The following CRPPA variants were observed in gnomAD, a reference collection of about 807,000 sequenced individuals.
CRPPA encodes D-ribitol-5-phosphate cytidylyltransferase.
CRPPA carries 43 observed loss-of-function variants against 52.0 expected under a neutral mutation model. That is an observed-to-expected ratio of 0.83 (90% CI 0.65 to 1.07). The LOEUF is 1.07. Among genes scored for constraint, CRPPA ranks in the 50% least tolerant of loss-of-function variants. CRPPA has a pLI of 0.00. For synonymous variants in CRPPA, 250 were observed against 203.5 expected, an observed-to-expected ratio of 1.23 and a Z score of -1.94; for missense variants, 629 against 551.7, an observed-to-expected ratio of 1.14 and a Z score of -1.40.
At chr7:16,146,851 C>T (rs905911000) in intron 9 of CRPPA, among the ~76,000 whole-genome samples, 1 of 152,030 alleles carries the variant, frequency 6.6e-6, no homozygotes, top group Admixed American at 6.6e-5. Flanking sequence ...GAGAGAGGAA[C>T]AAAGGAATTA....
intron 1 of CRPPA, among the ~76,000 whole-genome samples, chr7:16,418,126 A>G (rs1038188037): frequency 1.3e-5 from 2 of 152,240 alleles, no homozygotes; most frequent in African/African-American, 4.8e-5. Context: ...GATCTTTTAC[A>G]GAAGGAAGTA....
At chr7:16,280,613 A>G (rs967853668) in intron 5 of CRPPA, among the ~76,000 whole-genome samples, 2 of 152,214 alleles carry the variant, frequency 1.3e-5, no homozygotes, top group African/African-American at 4.8e-5. Context: ...GCCTTGTTTC[A>G]TCATATATCC....
chr7:16,169,872 T>C (rs1262624040), intron 9 of CRPPA, among the ~76,000 whole-genome samples: 2 of 152,202 alleles, frequency 1.3e-5, no homozygotes, highest in African/African-American at 2.4e-5. Flanking sequence ...GCACTCACTG[T>C]ATTGAAGGAA....
rs77334930 is a variant in CRPPA at position 16,295,453 on chromosome 7, C to A, written c.835+5968G>T. On this transcript the variant is annotated intron_variant, in intron 5 of 9. Coordinates refer to ENST00000407010, the MANE Select transcript of CRPPA (RefSeq NM_001101426.4). ...TAATACACACAACCATATATGAAAACAGGCACCATGAGGCAGTTTTGTAGC... is the reference window on the plus strand; with the variant it reads ...TAATACACACAACCATATATGAAAAAAGGCACCATGAGGCAGTTTTGTAGC... Among the ~76,000 whole-genome samples, 1,423 of 152,046 alleles carry A rather than the reference C, an allele frequency of 9.4e-3. 25 individuals carry two copies. The highest frequency in any genetic ancestry group is 0.033 in the African/African-American group (1,373 of 41,492).
intron 5 of CRPPA, among the ~76,000 whole-genome samples, chr7:16,281,894 C>G (rs1784328955): frequency 6.6e-6 from 1 of 152,130 alleles, no homozygotes; most frequent in African/African-American, 2.4e-5. Flanking sequence ...ATCTTAATAT[C>G]TGTACAATTG....
intron 6 of CRPPA, chr7:16,268,742 G>A (rs568156700): frequency 6.6e-6 from 1 of 152,112 alleles, no homozygotes; most frequent in South Asian, 2.1e-4. Flanking sequence ...GAATCTTACG[G>A]TAGAGTCTAC....
chr7:16,232,664 C>T (rs1363945255), intron 8 of CRPPA, among the ~76,000 whole-genome samples: 2 of 152,084 alleles, frequency 1.3e-5, no homozygotes, highest in East Asian at 3.9e-4. Flanking sequence ...AAATAATTAT[C>T]TCTACACTAA....
intron 5 of CRPPA, among the ~76,000 whole-genome samples, chr7:16,299,856 C>T (rs1053623537): frequency 2.0e-5 from 3 of 152,104 alleles, no homozygotes; most frequent in African/African-American, 4.8e-5. Context: ...TTTAAGAAGC[C>T]TCTGATAATA....
intron 3 of CRPPA, among the ~76,000 whole-genome samples, chr7:16,343,867 C>T (rs764039520): frequency 1.3e-5 from 2 of 152,162 alleles, no homozygotes; most frequent in African/African-American, 4.8e-5. Flanking sequence ...GAAGAGTTAT[C>T]AATAGCACCT....
At chr7:16,263,623 GAC>G (rs931715348) in intron 6 of CRPPA, among the ~76,000 whole-genome samples, 2 of 152,142 alleles carry the variant, frequency 1.3e-5, no homozygotes, top group African/African-American at 4.8e-5. Flanking sequence ...CATGGTGGTG[GAC>G]ACCTGTAATC....
chr7:16,387,801 A>T (rs542193636), intron 2 of CRPPA, among the ~76,000 whole-genome samples: 70 of 152,206 alleles, frequency 4.6e-4, no homozygotes, highest in Non-Finnish European at 9.0e-4. Flanking sequence ...AAACTAACAG[A>T]CATCTATTAA....
intron 9 of CRPPA, among the ~76,000 whole-genome samples, chr7:16,208,252 A>T (rs1162513758): frequency 6.6e-6 from 1 of 152,180 alleles, no homozygotes; most frequent in East Asian, 1.9e-4. Context: ...AGTCTCACAA[A>T]AACAAGGGAT....
At chr7:16,292,104 A>T (rs1784576271) in intron 5 of CRPPA, among the ~76,000 whole-genome samples, 1 of 151,952 alleles carries the variant, frequency 6.6e-6, no homozygotes, top group Non-Finnish European at 1.5e-5. Context: ...CCAAAATCAA[A>T]GTCATACATG....
At chr7:16,360,947 G>C (rs1047976739) in intron 3 of CRPPA, among the ~76,000 whole-genome samples, 2 of 152,070 alleles carry the variant, frequency 1.3e-5, no homozygotes, top group Non-Finnish European at 2.9e-5. Context: ...TGGAATAGAA[G>C]AGAATATGTA....
At chr7:16,102,441 GC>G (rs1362387073) in intron 9 of CRPPA, among the ~76,000 whole-genome samples, 5 of 152,180 alleles carry the variant, frequency 3.3e-5, no homozygotes, top group African/African-American at 1.2e-4. Flanking sequence ...GGCAACCAGA[GC>G]CAAAATTGAC....
At chr7:16,337,225 A>T (rs181252948) in intron 3 of CRPPA, among the ~76,000 whole-genome samples, 132 of 152,310 alleles carry the variant, frequency 8.7e-4, no homozygotes, top group African/African-American at 2.8e-3. Flanking sequence ...GTTACACCAC[A>T]AATCTTAAGT....
At chr7:16,261,364 G>A (rs1278948389) in intron 6 of CRPPA, among the ~76,000 whole-genome samples, 2 of 152,054 alleles carry the variant, frequency 1.3e-5, no homozygotes, top group Admixed American at 1.3e-4. Flanking sequence ...TTCTGTGAGA[G>A]AAGGAGATAG....
At chr7:16,381,936 T>A (rs886375854) in intron 2 of CRPPA, among the ~76,000 whole-genome samples, 1 of 152,180 alleles carries the variant, frequency 6.6e-6, no homozygotes, top group African/African-American at 2.4e-5. Flanking sequence ...GGGTCTTCAC[T>A]CTTTATCCAA....
intron 3 of CRPPA, among the ~76,000 whole-genome samples, chr7:16,308,998 T>C (rs28715511): frequency 0.053 from 8,067 of 152,270 alleles, 737 homozygotes; most frequent in African/African-American, 0.18. Flanking sequence ...TCTTAACTGT[T>C]GATAAATATA....
Sources: allele counts gnomAD v4.1 joint callset (sites outside exome capture counted in the v4.1 genomes callset), GRCh38; gene constraint gnomAD v4.1.1; transcripts MANE v1.5; gene names NCBI Gene and HGNC (gene_info 2026-07-23, HGNC 2026-07-21).